Variants in ANO7 observed in about 807,000 individuals in gnomAD.
ANO7 encodes the protein anoctamin 7.
Under a neutral mutation model 115.8 loss-of-function variants are expected in ANO7, and 114 were observed. The observed-to-expected ratio is 0.98, with a 90% CI of 0.85 to 1.15. The LOEUF (loss-of-function observed/expected upper bound fraction) is 1.15, where lower values mean the gene tolerates loss of function less well. ANO7 is among the 50% of genes most tolerant of loss of function. The probability of loss-of-function intolerance (pLI) is 0.00; values close to 1 mark genes in which losing one functional copy is unlikely to be tolerated. For synonymous variants in ANO7, 550 were observed against 498.2 expected (o/e 1.10, Z -1.38); for missense variants, 1,302 against 1,201.2 (o/e 1.08, Z -1.24).
At chr2:241,196,372 G>A (rs997383594) in intron 4 of ANO7, among the ~76,000 whole-genome samples, 69 of 152,222 alleles carry the variant, frequency 4.5e-4, no homozygotes, top group Middle Eastern at 6.8e-3. Context: ...GGCAGCTGGG[G>A]ATTGGGGTGC....
In ANO7 at chr2:241,209,440, C is replaced by T; in HGVS notation, c.1221+12C>T. The T allele has an allele frequency of 6.3e-7, 1 of 1,597,770 alleles. No individual in the cohort carries two copies. Among genetic ancestry groups the T allele is most frequent in the South Asian group, 1.1e-5 (1 of 89,026 alleles). Reference sequence around the variant, plus strand: ...ACGAGGACACTGAGGTGAGCCACCCCCGCTGGACCACGGTCACACCCGGCG... The same window carrying T: ...ACGAGGACACTGAGGTGAGCCACCCTCGCTGGACCACGGTCACACCCGGCG... On this transcript the variant is annotated intron_variant, in intron 12 of 24. Transcript: ENST00000674324.
chr2:241,200,499 T>G (rs2068444494), intron 6 of ANO7, among the ~76,000 whole-genome samples: 1 of 152,076 alleles, frequency 6.6e-6, no homozygotes, highest in African/African-American at 2.4e-5. Context: ...ACACGTGTGG[T>G]GGGGCGGCGC....
At chr2:241,239,685 G>A in the ANO7 span, 1 of 1,614,200 alleles carries the variant, frequency 6.2e-7, no homozygotes, top group Non-Finnish European at 8.5e-7. The surrounding 1 kb of genome is among the most constrained non-coding windows in gnomAD (Gnocchi z 4.6). Context: ...TTGTCGCTCT[G>A]TGTGCCAGAG....
the ANO7 span, among the ~76,000 whole-genome samples, chr2:241,233,323 CATGAGGGCCAGTGGCAGGGGGGT>C: frequency 3.3e-5 from 5 of 152,246 alleles, no homozygotes; most frequent in South Asian, 1.0e-3. This position sits in a 1 kb window ranked among gnomAD's most constrained non-coding sequence, Gnocchi z 4.3. Context: ...AGCAGGAGGC[CATGAGGGCCAGTGGCAGGGGGGT>C]GGCACTGCAA....
the ANO7 span, chr2:241,235,203 G>T: frequency 1.2e-6 from 2 of 1,614,086 alleles, no homozygotes; most frequent in Non-Finnish European, 1.7e-6. Flanking sequence ...AGCGAGGCCC[G>T]TGATGGCGAT....
At chr2:241,209,080 C>T (rs1301931255) in intron 11 of ANO7, among the ~76,000 whole-genome samples, 4 of 152,186 alleles carry the variant, frequency 2.6e-5, no homozygotes, top group Non-Finnish European at 4.4e-5. Flanking sequence ...ACCCGGGAGG[C>T]GAAGCGTGCA....
Position 241,209,663 on chromosome 2 carries a change from C to CGCCT in ANO7, c.1359+29_1359+32dup, listed in dbSNP as rs751365551. On this transcript the variant is annotated intron_variant, in intron 13 of 24. Coordinates refer to ENST00000674324, the MANE Select transcript of ANO7 (RefSeq NM_001370694.2). Reference sequence around the variant, plus strand: ...ATGCGGTCCCCCTGCCCTCCGCTCACGCCTCCATCCTCCTGCACCATGTGG... The same window carrying CGCCT: ...ATGCGGTCCCCCTGCCCTCCGCTCACGCCTGCCTCCATCCTCCTGCACCATGTGG... 2.0e-6 allele frequency: 3 copies of CGCCT among 1,512,300 alleles called. No homozygotes were observed. The African/African-American group carries it at 4.2e-5, about 21-fold the overall frequency. 93.7% of individuals were successfully genotyped at this position (1,512,300 alleles called of 1,614,324 possible).
At chr2:241,238,702 A>G in the ANO7 span, 1 of 1,589,390 alleles carries the variant, frequency 6.3e-7, no homozygotes, top group Admixed American at 1.7e-5. The surrounding 1 kb of genome is among the most constrained non-coding windows in gnomAD (Gnocchi z 4.9). Context: ...ATCCCGAGTA[A>G]TCTGCTGGAT....
intron 7 of ANO7, 73 bp downstream of exon 7, chr2:241,201,428 C>T: frequency 2.0e-6 from 3 of 1,521,280 alleles, no homozygotes; most frequent in Non-Finnish European, 2.7e-6. Context: ...CCCCAGCCTC[C>T]ATGGATGCAG....
At chr2:241,210,152 CG>C in intron 13 of ANO7, 142 bp from the exon 14 acceptor site, 1 of 765,322 alleles carries the variant, frequency 1.3e-6, no homozygotes, top group Non-Finnish European at 2.2e-6. Context: ...GGAGCACAGC[CG>C]GGGCTGGAGG....
intron 16 of ANO7, 48 bp from the exon 17 acceptor site, chr2:241,212,524 G>A (rs772112794): frequency 5.0e-6 from 8 of 1,588,336 alleles, no homozygotes; most frequent in South Asian, 1.1e-5. Context: ...GAAGTGGGAG[G>A]AGACAGGAAG....
At chr2:241,229,534 T>C, downstream of ANO7, 1 of 1,199,764 alleles carries the variant, frequency 8.3e-7, no homozygotes, top group Non-Finnish European at 1.2e-6. Context: ...TGGGTCAGAT[T>C]GAGACAAACC....
In ANO7 at chr2:241,190,072, G is replaced by A; in HGVS notation, c.9G>A (p.Arg3=). Residue 3 remains arginine, a synonymous_variant, in exon 2 of 25, where the codon CGG becomes CGA. Coordinates refer to ENST00000674324, the MANE Select transcript of ANO7 (RefSeq NM_001370694.2). ML[R]RRAQEEDSTV... ...CTGGGTGCAGGAGCAGGATGCTGCGGCGACGGGCCCAGGAAGAGGACAGCA... is the reference window on the plus strand; with the variant it reads ...CTGGGTGCAGGAGCAGGATGCTGCGACGACGGGCCCAGGAAGAGGACAGCA... 2 of 1,574,896 alleles carry A rather than the reference G, an allele frequency of 1.3e-6. No homozygotes were observed. The highest frequency in any genetic ancestry group is 1.2e-5 in the South Asian group (1 of 85,734).
chr2:241,216,779 G>T (rs1199203144), intron 19 of ANO7, among the ~76,000 whole-genome samples: 1 of 152,216 alleles, frequency 6.6e-6, no homozygotes, highest in African/African-American at 2.4e-5. Context: ...GCAGTGCAGG[G>T]TCTGACTCTG....
At chr2:241,216,762 C>T (rs765483909) in intron 19 of ANO7, among the ~76,000 whole-genome samples, 2 of 152,244 alleles carry the variant, frequency 1.3e-5, no homozygotes, top group African/African-American at 2.4e-5. Flanking sequence ...TCACCTGTGC[C>T]GTCCCTGCAG....
chr2:241,235,025 G>A, the ANO7 span: 2 of 1,453,364 alleles, frequency 1.4e-6, no homozygotes, highest in South Asian at 2.5e-5. Context: ...GATGTCGCTG[G>A]GATGCTGGGA....
chr2:241,201,151 G>T, intron 6 of ANO7, 147 bp from the exon 7 acceptor site: 1 of 837,442 alleles, frequency 1.2e-6, no homozygotes, highest in Non-Finnish European at 1.7e-6. Context: ...GGCTGTGTCC[G>T]CAGGCCTGTG....
chr2:241,217,606 C>A, intron 19 of ANO7, 80 bp from the exon 20 acceptor site: 1 of 1,472,424 alleles, frequency 6.8e-7, no homozygotes, highest in Non-Finnish European at 9.2e-7. Flanking sequence ...CGTGGACTGG[C>A]CGGTCCTCCG....
chr2:241,212,678 ACTTCCATT>A lies in ANO7; in HGVS notation c.1728+62_1728+69del, dbSNP rs540787458. On this transcript the variant is annotated intron_variant, in intron 17 of 24. Coordinates refer to ENST00000674324, the MANE Select transcript of ANO7 (RefSeq NM_001370694.2). ...GGGGATGAGCTGTGTGCTTCCTCTC[ACTTCCATT>A]CTTCCATTCGAGCTTTGATTTGCAG... is the stretch of plus-strand genomic sequence containing the variant. The A allele has an allele frequency of 1.4e-3, 2,135 of 1,548,060 alleles. 24 individuals are homozygous for A. The African/African-American group carries it at 0.024, about 17-fold the overall frequency.
Sources: allele counts gnomAD v4.1 joint callset (sites outside exome capture counted in the v4.1 genomes callset), GRCh38; gene constraint gnomAD v4.1.1; non-coding constraint Gnocchi (gnomAD v3.1); transcripts MANE v1.5; gene names NCBI Gene and HGNC (gene_info 2026-07-23, HGNC 2026-07-21).